PMFBP1: variants seen among roughly 807,000 people sequenced by gnomAD.
The protein encoded by PMFBP1 is polyamine-modulated factor 1-binding protein 1.
A neutral mutation model predicts 137.8 loss-of-function variants in PMFBP1; 131 were observed. The ratio of observed to expected loss-of-function variants is 0.95; its 90% CI spans 0.82 to 1.10. The LOEUF is 1.10. Ranked by LOEUF, PMFBP1 falls within the 50% of genes least tolerant of loss-of-function variation. PMFBP1 has a pLI of 0.00. For missense variants in PMFBP1, 1,199 were observed against 1,175.4 expected (o/e 1.02, Z -0.29); for synonymous variants, 490 against 450.4 (o/e 1.09, Z -1.11).
chr16:72,130,492 T>C, intron 11 of PMFBP1, 41 bp downstream of exon 11: 1 of 1,611,584 alleles, frequency 6.2e-7, no homozygotes, highest in South Asian at 1.1e-5. Flanking sequence ...GGGTCAAGAG[T>C]GACAGAACCT....
the PMFBP1 span, among the ~76,000 whole-genome samples, chr16:72,187,169 C>T: frequency 6.6e-6 from 1 of 151,718 alleles, no homozygotes; most frequent in South Asian, 2.1e-4. Flanking sequence ...AGAAACTTAA[C>T]TTCTGAAGAA....
intron 5 of PMFBP1, among the ~76,000 whole-genome samples, chr16:72,143,885 T>C (rs1281971046): frequency 6.7e-6 from 1 of 150,064 alleles, no homozygotes; most frequent in Non-Finnish European, 1.5e-5. Flanking sequence ...CTACTAAAAG[T>C]ACAAAATTAG....
the PMFBP1 span, among the ~76,000 whole-genome samples, chr16:72,207,585 T>C: frequency 6.6e-6 from 1 of 151,940 alleles, no homozygotes; most frequent in Admixed American, 6.6e-5. Context: ...GGCTGAGAAC[T>C]AAGAGGTAAC....
At chr16:72,217,799 G>C in the PMFBP1 span, among the ~76,000 whole-genome samples, 2 of 152,294 alleles carry the variant, frequency 1.3e-5, no homozygotes, top group South Asian at 4.1e-4. Flanking sequence ...GTTGCAGTGA[G>C]CCAAGATCAG....
chr16:72,221,145 A>C, the PMFBP1 span, among the ~76,000 whole-genome samples: 1 of 152,170 alleles, frequency 6.6e-6, no homozygotes, highest in African/African-American at 2.4e-5. Context: ...TTCTCCATTC[A>C]ACAATAATCC....
Position 72,128,786 on chromosome 16 carries a change from C to A in PMFBP1, c.1959G>T (p.Glu653Asp). The A allele has an allele frequency of 1.2e-6, 2 of 1,614,174 alleles. No homozygotes were observed. Among genetic ancestry groups the A allele is most frequent in the Non-Finnish European group, 1.7e-6 (2 of 1,180,016 alleles). ...EFKKKDKTLK[E>D]NSRKLEEENE... ...TTTCTTCCTCCAACTTTCTGGAATTCTCTTTCAACTGTTCCCTCATTAAAG... is the reference window on the plus strand; with the variant it reads ...TTTCTTCCTCCAACTTTCTGGAATTATCTTTCAACTGTTCCCTCATTAAAG... Residue 653 changes from glutamate (E) to aspartate (D), a missense_variant, in exon 14 of 21, where the codon GAG becomes GAT. Coordinates refer to ENST00000237353, the MANE Select transcript of PMFBP1 (RefSeq NM_031293.3).
the PMFBP1 span, among the ~76,000 whole-genome samples, chr16:72,247,525 T>C: frequency 6.6e-6 from 1 of 152,184 alleles, no homozygotes; most frequent in Admixed American, 6.5e-5. Context: ...AATTAGGTAA[T>C]TTCCACCAAA....
chr16:72,169,500 C>A (rs776298944), intron 2 of PMFBP1, among the ~76,000 whole-genome samples: 4 of 152,050 alleles, frequency 2.6e-5, no homozygotes, highest in Non-Finnish European at 4.4e-5. Flanking sequence ...AATTTAGAAC[C>A]AATTATGTTC....
intron 12 of PMFBP1, 137 bp from the exon 13 acceptor site, chr16:72,129,370 A>T: frequency 9.9e-7 from 1 of 1,005,748 alleles, no homozygotes; most frequent in African/African-American, 1.6e-5. Flanking sequence ...TATGTAAAAT[A>T]AAAGGTTTCC....
chr16:72,206,600 G>A, the PMFBP1 span, among the ~76,000 whole-genome samples: 1 of 152,124 alleles, frequency 6.6e-6, no homozygotes, highest in Non-Finnish European at 1.5e-5. Flanking sequence ...GCAGATGATG[G>A]AGCTAAGGCC....
the PMFBP1 span, among the ~76,000 whole-genome samples, chr16:72,185,963 C>T: frequency 2.0e-5 from 3 of 152,172 alleles, no homozygotes; most frequent in Admixed American, 6.5e-5. Flanking sequence ...CTGACTAGGA[C>T]AGCATCTTGT....
At chr16:72,211,924 G>C in the PMFBP1 span, among the ~76,000 whole-genome samples, 13 of 152,274 alleles carry the variant, frequency 8.5e-5, no homozygotes, top group East Asian at 1.9e-3. Context: ...TTGAGCCTGG[G>C]AGGCAGAGGT....
chr16:72,130,836 T>C, intron 10 of PMFBP1, 114 bp from the exon 11 acceptor site: 1 of 915,604 alleles, frequency 1.1e-6, no homozygotes, highest in East Asian at 2.6e-5. Context: ...CAGTTCCCAG[T>C]CTGTCCTCAT....
At chr16:72,244,212 T>G in the PMFBP1 span, among the ~76,000 whole-genome samples, 1 of 152,154 alleles carries the variant, frequency 6.6e-6, no homozygotes, top group Non-Finnish European at 1.5e-5. Flanking sequence ...TGAAAAATAC[T>G]TATTAAAAAA....
chr16:72,239,244 C>T, the PMFBP1 span, among the ~76,000 whole-genome samples: 2 of 152,190 alleles, frequency 1.3e-5, no homozygotes, highest in South Asian at 2.1e-4. Flanking sequence ...ATTTTTTCTT[C>T]CTCAGAAGCA....
chr16:72,230,571 TTC>T, the PMFBP1 span, among the ~76,000 whole-genome samples: 1 of 152,106 alleles, frequency 6.6e-6, no homozygotes, highest in Non-Finnish European at 1.5e-5. Flanking sequence ...TCCCAACTAT[TTC>T]TGTCCAAATT....
chr16:72,164,276 A>G (rs1567641362), intron 3 of PMFBP1: 2 of 600,490 alleles, frequency 3.3e-6, no homozygotes, highest in African/African-American at 1.9e-5. Context: ...AGCTTGTCCT[A>G]TGATCAGGTT....
At chr16:72,149,649 C>T (rs1357972207) in intron 5 of PMFBP1, among the ~76,000 whole-genome samples, 2 of 152,078 alleles carry the variant, frequency 1.3e-5, no homozygotes, top group African/African-American at 4.8e-5. Context: ...ACGGCGAAAC[C>T]ATGTCTCTAC....
chr16:72,140,884 T>C (rs983409210), intron 5 of PMFBP1, among the ~76,000 whole-genome samples: 6 of 151,674 alleles, frequency 4.0e-5, no homozygotes, highest in Admixed American at 2.6e-4. Flanking sequence ...GAATATTTTA[T>C]GCATATTTGC....
Sources: gnomAD v4.1 joint callset for allele counts (sites outside exome capture counted in the v4.1 genomes callset) on GRCh38, gnomAD v4.1.1 for gene constraint, MANE v1.5 for transcripts, NCBI Gene and HGNC (gene_info 2026-07-23, HGNC 2026-07-21) for gene names.